The following TRIP12 variants were observed in gnomAD, a reference collection of about 807,000 sequenced individuals.
TRIP12 encodes the protein E3 ubiquitin-protein ligase TRIP12.
TRIP12 carries 25 observed loss-of-function variants against 244.2 expected under a neutral mutation model. The ratio of observed to expected loss-of-function variants is 0.10; its 90% CI spans 0.07 to 0.14. The LOEUF is 0.14. TRIP12 is among the 10% of genes least tolerant of loss of function. The probability of loss-of-function intolerance (pLI) is 1.00; values close to 1 mark genes in which losing one functional copy is unlikely to be tolerated. For synonymous variants in TRIP12, 905 were observed against 873.1 expected (o/e 1.04, Z -0.64); for missense variants, 1,677 against 2,486.4 (o/e 0.67, Z 6.92).
intron 37 of TRIP12, among the ~76,000 whole-genome samples, chr2:229,776,253 T>C (rs1387366371): frequency 6.6e-6 from 1 of 152,230 alleles, no homozygotes; most frequent in Non-Finnish European, 1.5e-5. Flanking sequence ...CCTCCTGTTT[T>C]ACTTGCTTTT....
chr2:229,813,021 C>A (rs116213842), intron 13 of TRIP12, among the ~76,000 whole-genome samples: 16 of 152,246 alleles, frequency 1.1e-4, no homozygotes, highest in Admixed American at 4.6e-4. Context: ...CACAATTTGT[C>A]CTCACCATCC....
Position 229,859,161 on chromosome 2 carries a change from C to T in TRIP12, c.638G>A (p.Arg213Lys). 9.3e-6 allele frequency: 15 copies of T among 1,614,164 alleles called. No homozygotes were observed. The highest frequency in any genetic ancestry group is 1.3e-5 in the Non-Finnish European group (15 of 1,180,026). ...SGSESTGAEE[R>K]SAKPTKLASK... Reference sequence around the variant, plus strand: ...AGCCAGCTTGGTAGGTTTCGCAGATCTCTCTTCTGCACCAGTTGATTCAGA... The same window carrying T: ...AGCCAGCTTGGTAGGTTTCGCAGATTTCTCTTCTGCACCAGTTGATTCAGA... Residue 213 changes from arginine to lysine, a missense_variant, in exon 4 of 42, where the codon AGA becomes AAA. By Grantham distance (26) the Arg-to-Lys change is conservative. Coordinates refer to ENST00000675903, the MANE Select transcript of TRIP12 (RefSeq NM_001348323.3).
chr2:229,867,110 T>TG (rs2061649167), intron 2 of TRIP12, among the ~76,000 whole-genome samples: 2 of 139,664 alleles, frequency 1.4e-5, no homozygotes, highest in South Asian at 4.6e-4. Context: ...TTTTTTTTTG[T>TG]TTTTTTTTTT....
Position 229,903,010 on chromosome 2 carries a change from C to CTTTTTCTTTTTTT in TRIP12, c.-50+18869_-50+18870insAAAAAAAGAAAAA, listed in dbSNP as rs1553767672. Among the ~76,000 whole-genome samples, 4 of 25,668 alleles carry CTTTTTCTTTTTTT rather than the reference C, an allele frequency of 1.6e-4. 1 individual carries two copies. Among genetic ancestry groups the CTTTTTCTTTTTTT allele is most frequent in the African/African-American group, 4.7e-4 (4 of 8,444 alleles). 16.8% of individuals were successfully genotyped at this position (25,668 alleles called of 152,430 possible). A position where few individuals can be genotyped will look rare whatever the true frequency, so the allele number is the denominator to read the frequency against. On this transcript the variant is annotated intron_variant, in intron 1 of 41. Transcript: ENST00000675903. ...TGTGTGCGGGTTTTTTTTTCTTTTT[C>CTTTTTCTTTTTTT]TTTTTTTCTTTTTTTTTTTTTTTTT...
chr2:229,922,220 AGGGACCAGGAAG>A (rs2076722435), upstream of TRIP12: 1 of 304,482 alleles, frequency 3.3e-6, no homozygotes, highest in Non-Finnish European at 6.2e-6. Context: ...GATCCCTTCG[AGGGACCAGGAAG>A]GGGACTGTGG....
At chr2:229,894,819 T>TA (rs1560186135) in intron 1 of TRIP12, among the ~76,000 whole-genome samples, 5 of 152,160 alleles carry the variant, frequency 3.3e-5, no homozygotes. Context: ...ACATTCTTGT[T>TA]AAAATACAGG....
chr2:229,915,708 T>A (rs566078107), intron 1 of TRIP12, among the ~76,000 whole-genome samples: 44 of 150,898 alleles, frequency 2.9e-4, no homozygotes, highest in African/African-American at 9.0e-4. Flanking sequence ...AAAAAAAAAA[T>A]TTTTTGAGAC....
chr2:229,822,104 C>A (rs2050216168), intron 8 of TRIP12, among the ~76,000 whole-genome samples: 1 of 152,158 alleles, frequency 6.6e-6, no homozygotes, highest in Non-Finnish European at 1.5e-5. Context: ...CACGTCGCTG[C>A]ACTCCAGCAT....
At chr2:229,869,124 T>C (rs2062071727) in intron 2 of TRIP12, among the ~76,000 whole-genome samples, 1 of 152,234 alleles carries the variant, frequency 6.6e-6, no homozygotes, top group African/African-American at 2.4e-5. Flanking sequence ...GGCTAGATTA[T>C]AACCACTAAT....
chr2:229,812,627 G>A (rs900445234), intron 13 of TRIP12, among the ~76,000 whole-genome samples: 2 of 152,046 alleles, frequency 1.3e-5, no homozygotes, highest in African/African-American at 2.4e-5. Context: ...CCAACATGGC[G>A]AAACCCTGTC....
intron 4 of TRIP12, among the ~76,000 whole-genome samples, chr2:229,849,959 T>C (rs974261716): frequency 1.7e-4 from 25 of 148,946 alleles, no homozygotes; most frequent in Non-Finnish European, 3.4e-4. Flanking sequence ...GAGGTAGCCC[T>C]TGGTGAATGA....
intron 1 of TRIP12, among the ~76,000 whole-genome samples, chr2:229,889,257 G>A (rs929177968): frequency 2.0e-5 from 3 of 152,088 alleles, no homozygotes; most frequent in African/African-American, 7.2e-5. Flanking sequence ...AAGAAAGGAG[G>A]TAACCCTTCA....
chr2:229,862,005 G>C (rs763737234), intron 2 of TRIP12, among the ~76,000 whole-genome samples: 2 of 152,108 alleles, frequency 1.3e-5, no homozygotes, highest in African/African-American at 2.4e-5. Flanking sequence ...TAGCTAAGCT[G>C]AACTTTGTAA....
intron 3 of TRIP12, among the ~76,000 whole-genome samples, chr2:229,860,006 T>C (rs1253076566): frequency 2.0e-5 from 3 of 152,320 alleles, no homozygotes; most frequent in Admixed American, 6.5e-5. Flanking sequence ...ATTGTAGTAC[T>C]ATCAAATCTT....
In TRIP12 at chr2:229,860,395, T is replaced by C. The variant is rs777567830; in HGVS notation, c.224+11A>G. 3.9e-5 allele frequency: 62 copies of C among 1,591,938 alleles called. No homozygotes were observed. Among genetic ancestry groups the C allele is most frequent in the Non-Finnish European group, 5.0e-5 (59 of 1,169,796 alleles). On this transcript the variant is annotated intron_variant, in intron 3 of 41. Coordinates refer to ENST00000675903, the MANE Select transcript of TRIP12 (RefSeq NM_001348323.3). ...CTGCCTTGAAAATGTATAAGCAACA[T>C]GAAGATTTACCTTTTAGAAAGGTGT... is the stretch of plus-strand genomic sequence containing the variant.
intron 26 of TRIP12, 90 bp from the exon 27 acceptor site, chr2:229,793,235 A>T (rs967386982): frequency 7.6e-7 from 1 of 1,322,632 alleles, no homozygotes; most frequent in East Asian, 2.5e-5. Flanking sequence ...TACAAACTGC[A>T]TTTTCATAAG....
intron 2 of TRIP12, among the ~76,000 whole-genome samples, chr2:229,871,974 T>C (rs1383018913): frequency 6.6e-6 from 1 of 151,912 alleles, no homozygotes; most frequent in African/African-American, 2.4e-5. Flanking sequence ...TGTGGCATCA[T>C]TTGCTATGGC....
intron 6 of TRIP12, among the ~76,000 whole-genome samples, chr2:229,833,037 GTTTAT>G (rs1486942188): frequency 1.3e-5 from 2 of 152,118 alleles, no homozygotes; most frequent in African/African-American, 4.8e-5. Flanking sequence ...GGGTTTTTAA[GTTTAT>G]TTATCAGAGA....
intron 25 of TRIP12, 82 bp downstream of exon 25, chr2:229,796,509 G>A: frequency 1.6e-6 from 2 of 1,287,724 alleles, no homozygotes; most frequent in Non-Finnish European, 2.1e-6. Flanking sequence ...AAGACCTGCT[G>A]GAAATTATTA....
Sources: gnomAD v4.1 joint callset for allele counts (sites outside exome capture counted in the v4.1 genomes callset) on GRCh38, gnomAD v4.1.1 for gene constraint, MANE v1.5 for transcripts, NCBI Gene and HGNC (gene_info 2026-07-23, HGNC 2026-07-21) for gene names.